The following PPP3CA variants were observed in gnomAD, a reference collection of about 807,000 sequenced individuals.
The protein encoded by PPP3CA is protein phosphatase 3 catalytic subunit alpha.
PPP3CA carries 14 observed loss-of-function variants against 66.5 expected under a neutral mutation model. The observed-to-expected ratio is 0.21, with a 90% CI of 0.14 to 0.33. PPP3CA has a LOEUF of 0.33. PPP3CA is among the 10% of genes least tolerant of loss of function. The pLI is 1.00. For synonymous variants in PPP3CA, 232 were observed against 226.2 expected, an observed-to-expected ratio of 1.03 and a Z score of -0.23; for missense variants, 317 against 639.5, an observed-to-expected ratio of 0.50 and a Z score of 5.44.
intron 11 of PPP3CA, among the ~76,000 whole-genome samples, chr4:101,038,255 C>T (rs998525678): frequency 6.6e-6 from 1 of 152,208 alleles, no homozygotes; most frequent in Non-Finnish European, 1.5e-5. Context: ...TCCTTCACAG[C>T]ACTCCTCCAA....
At chr4:101,129,748 AG>A (rs1205766463) in intron 2 of PPP3CA, among the ~76,000 whole-genome samples, 1 of 152,234 alleles carries the variant, frequency 6.6e-6, no homozygotes, top group Non-Finnish European at 1.5e-5. Context: ...GAAGGTCAAC[AG>A]CATCAAAGAC....
intron 1 of PPP3CA, among the ~76,000 whole-genome samples, chr4:101,278,709 T>C (rs755961): frequency 0.37 from 55,908 of 152,106 alleles, 15,575 homozygotes; most frequent in African/African-American, 0.75. Flanking sequence ...TTACAACTTT[T>C]ATCTTCAAAG....
Position 101,210,072 on chromosome 4 carries a change from T to C in PPP3CA, c.59-13956A>G, listed in dbSNP as rs139849993. 4.4e-3 allele frequency among the ~76,000 whole-genome samples: 667 copies of C among 152,286 alleles called. 8 individuals carry two copies. The highest frequency in any genetic ancestry group is 0.015 in the African/African-American group (642 of 41,568). On this transcript the variant is annotated intron_variant, in intron 1 of 13. Coordinates refer to ENST00000394854, the MANE Select transcript of PPP3CA (RefSeq NM_000944.5). ...TCTGAGAAGAAAGGCCATAATTTAA[T>C]AGATTCTCAAAAGAGTCTGTGACCC...
At chr4:101,160,774 T>C (rs1328295775) in intron 2 of PPP3CA, among the ~76,000 whole-genome samples, 1 of 152,084 alleles carries the variant, frequency 6.6e-6, no homozygotes, top group Non-Finnish European at 1.5e-5. Flanking sequence ...AATGAAGATG[T>C]TCTTTAGAAT....
intron 2 of PPP3CA, among the ~76,000 whole-genome samples, chr4:101,183,828 T>C (rs1054793311): frequency 5.9e-5 from 9 of 152,134 alleles, no homozygotes; most frequent in African/African-American, 2.2e-4. Flanking sequence ...TTCCACATTC[T>C]TGCTTCAATA....
In PPP3CA at chr4:101,196,944, C is replaced by T. The variant is rs563889567; in HGVS notation, c.59-828G>A. Among the ~76,000 whole-genome samples the T allele has an allele frequency of 7.2e-4, 110 of 152,272 alleles. 1 individual carries two copies. The highest frequency in any genetic ancestry group is 2.6e-3 in the African/African-American group (108 of 41,546). The stretch of plus-strand genomic sequence containing the variant: ...ACATTCACTAAACTCCTCTAGCTTG[C>T]CCTGCATCCAAAGGTCTATGGTCAG... On this transcript the variant is annotated intron_variant, in intron 1 of 13. Transcript: ENST00000394854.
chr4:101,177,968 T>C (rs1291885800), intron 2 of PPP3CA, among the ~76,000 whole-genome samples: 1 of 152,162 alleles, frequency 6.6e-6, no homozygotes, highest in East Asian at 1.9e-4. Flanking sequence ...TCAGTGAATA[T>C]ATGTACATAG....
chr4:101,082,744 A>G (rs915826435), intron 7 of PPP3CA, among the ~76,000 whole-genome samples: 4 of 152,140 alleles, frequency 2.6e-5, no homozygotes, highest in African/African-American at 9.7e-5. Context: ...AGGGATCAGG[A>G]ATGGTATTCA....
intron 2 of PPP3CA, among the ~76,000 whole-genome samples, chr4:101,168,753 T>C (rs1174975218): frequency 6.6e-6 from 1 of 152,264 alleles, no homozygotes; most frequent in East Asian, 1.9e-4. Context: ...ATAATATCTA[T>C]TAAGACCATA....
intron 1 of PPP3CA, among the ~76,000 whole-genome samples, chr4:101,286,309 A>G (rs1334007467): frequency 1.3e-5 from 2 of 152,226 alleles, no homozygotes; most frequent in Admixed American, 6.5e-5. Context: ...CTTTAGAGAA[A>G]ATATGCTAAA....
intron 2 of PPP3CA, among the ~76,000 whole-genome samples, chr4:101,155,755 G>C (rs954141614): frequency 6.6e-6 from 1 of 152,024 alleles, no homozygotes; most frequent in Non-Finnish European, 1.5e-5. Flanking sequence ...ACTACTTAAG[G>C]GTATATTAGA....
At position 101,299,106 on chromosome 4, in the gene PPP3CA, G is replaced by GTTT. The variant is rs556244769; in HGVS notation, c.58+47630_58+47632dup. Among the ~76,000 whole-genome samples, 28 of 85,530 alleles carry GTTT rather than the reference G, an allele frequency of 3.3e-4. 5 individuals are homozygous for GTTT. Among genetic ancestry groups the GTTT allele is most frequent in the African/African-American group, 1.0e-3 (18 of 17,912 alleles). 56.1% of individuals were successfully genotyped at this position (85,530 alleles called of 152,430 possible). On this transcript the variant is annotated intron_variant, in intron 1 of 13. Transcript: ENST00000394854. ...ATGTCAATATCAAGTGCCATATATC[G>GTTT]TTTTTTTTTTTTTTTTTTTTTTTTT...
At chr4:101,315,518 G>A (rs1728857844) in intron 1 of PPP3CA, among the ~76,000 whole-genome samples, 1 of 152,142 alleles carries the variant, frequency 6.6e-6, no homozygotes, top group South Asian at 2.1e-4. Flanking sequence ...TGACATGTGG[G>A]AATCAGAATC....
intron 1 of PPP3CA, among the ~76,000 whole-genome samples, chr4:101,292,081 AACACACACACACACACACACAC>A (rs3974776): frequency 7.6e-5 from 10 of 130,726 alleles, no homozygotes; most frequent in South Asian, 5.8e-4. Context: ...TGAGCCCATG[AACACACACACACACACACACAC>A]ACACACACAC....
At chr4:101,259,350 T>G (rs376414812) in intron 1 of PPP3CA, among the ~76,000 whole-genome samples, 3 of 88,604 alleles carry the variant, frequency 3.4e-5, no homozygotes, top group Non-Finnish European at 8.8e-5. Context: ...CATTCATTCA[T>G]TCAGCAAGCA....
At chr4:101,168,684 T>G (rs528280976) in intron 2 of PPP3CA, among the ~76,000 whole-genome samples, 27 of 151,996 alleles carry the variant, frequency 1.8e-4, no homozygotes, top group African/African-American at 2.4e-4. Context: ...TCTCAGGAGG[T>G]CCAATGAAAG....
chr4:101,226,488 G>T (rs713455), intron 1 of PPP3CA, among the ~76,000 whole-genome samples: 1 of 151,456 alleles, frequency 6.6e-6, no homozygotes, highest in African/African-American at 2.4e-5. Flanking sequence ...GTTTTGCTAC[G>T]TGAAGGAGTC....
chr4:101,242,825 G>C (rs1339203607), intron 1 of PPP3CA, among the ~76,000 whole-genome samples: 1 of 152,128 alleles, frequency 6.6e-6, no homozygotes, highest in African/African-American at 2.4e-5. Context: ...CTACTCAGGA[G>C]GCTGGGGCAG....
intron 1 of PPP3CA, among the ~76,000 whole-genome samples, chr4:101,285,114 C>G (rs1230285620): frequency 6.6e-6 from 1 of 152,088 alleles, no homozygotes; most frequent in African/African-American, 2.4e-5. Context: ...TCTATCTGTA[C>G]TCACTGTCTC....
Sources: allele counts gnomAD v4.1 joint callset (sites outside exome capture counted in the v4.1 genomes callset), GRCh38; gene constraint gnomAD v4.1.1; transcripts MANE v1.5; gene names NCBI Gene and HGNC (gene_info 2026-07-23, HGNC 2026-07-21).